Variants in SREK1IP1 observed in about 807,000 individuals in gnomAD.
SREK1IP1 encodes protein SREK1IP1.
Under a neutral mutation model 22.8 loss-of-function variants are expected in SREK1IP1, and 12 were observed. The observed-to-expected ratio is 0.53, with a 90% CI of 0.34 to 0.85. SREK1IP1 has a LOEUF of 0.85. Among genes scored for constraint, SREK1IP1 ranks in the 40% least tolerant of loss-of-function variants. SREK1IP1 has a pLI of 0.02. For missense variants in SREK1IP1, 147 were observed against 171.8 expected (o/e 0.86, Z 0.81); for synonymous variants, 53 against 52.7 (o/e 1.01, Z -0.02).
chr5:64,754,681 C>T (rs1006059400), intron 1 of SREK1IP1: 1 of 220,248 alleles, frequency 4.5e-6, no homozygotes, highest in Non-Finnish European at 9.3e-6. Flanking sequence ...CCCAGGCGAT[C>T]TCAAACTTCT....
rs550765079 is a variant in SREK1IP1, at chr5:64,740,412, C to A, written c.205+645G>T. ...GGGCATAGCTCCCTGGAAAATGTAA[C>A]TATCCAAGCATAAAATGAGTATGTT... is the stretch of plus-strand genomic sequence containing the variant. On this transcript the variant is annotated intron_variant, in intron 3 of 4. Coordinates refer to ENST00000513458, the MANE Select transcript of SREK1IP1 (RefSeq NM_173829.4). Among the ~76,000 whole-genome samples, 7 of 152,180 alleles carry A rather than the reference C, an allele frequency of 4.6e-5. No homozygotes were observed. In the South Asian group the frequency reaches 1.5e-3, roughly 32 times the overall value.
chr5:64,725,067 C>T (rs1742240473), intron 4 of SREK1IP1, among the ~76,000 whole-genome samples: 1 of 152,026 alleles, frequency 6.6e-6, no homozygotes, highest in East Asian at 1.9e-4. Flanking sequence ...TTTGGTAATT[C>T]TTCTGATTTT....
At chr5:64,759,401 C>A (rs1742906964) in intron 1 of SREK1IP1, among the ~76,000 whole-genome samples, 1 of 152,146 alleles carries the variant, frequency 6.6e-6, no homozygotes, top group South Asian at 2.1e-4. Context: ...GTTCTTGGCT[C>A]CATTCCTTTT....
In SREK1IP1 at chr5:64,742,723, T is replaced by C. The variant is rs78042692; in HGVS notation, c.62-1523A>G. 2.0e-5 allele frequency among the ~76,000 whole-genome samples: 3 copies of C among 152,286 alleles called. No individual in the cohort carries two copies. In the East Asian group the frequency reaches 5.8e-4, roughly 29 times the overall value. On this transcript the variant is annotated intron_variant, in intron 2 of 4. Transcript: ENST00000513458. ...AAAATAGAAGTTCAAGAGCCTAGGGTTCATCAAATATCCTCAAGGCTTAAT... is the reference window on the plus strand; with the variant it reads ...AAAATAGAAGTTCAAGAGCCTAGGGCTCATCAAATATCCTCAAGGCTTAAT...
chr5:64,726,901 T>C (rs1182909253), intron 4 of SREK1IP1, among the ~76,000 whole-genome samples: 1 of 152,234 alleles, frequency 6.6e-6, no homozygotes, highest in African/African-American at 2.4e-5. Context: ...TGAAAGATCA[T>C]ATCAAACCAC....
chr5:64,745,742 T>A (rs957880793), intron 2 of SREK1IP1, among the ~76,000 whole-genome samples: 1 of 152,184 alleles, frequency 6.6e-6, no homozygotes, highest in South Asian at 2.1e-4. Flanking sequence ...CACATCCATT[T>A]TAGCTTTGCT....
chr5:64,719,751 A>G lies in SREK1IP1; in HGVS notation c.*4633T>C, dbSNP rs1281986570. ...GGGGTCAGGCATGACTGGATGCATC[A>G]TGGGTTGTGCTATAGAAGAGGCACC... On this transcript the variant is annotated 3_prime_UTR_variant, in exon 5 of 5. Coordinates refer to ENST00000513458, the MANE Select transcript of SREK1IP1 (RefSeq NM_173829.4). 3 of 152,174 alleles carry G rather than the reference A, an allele frequency of 2.0e-5. No individual in the cohort carries two copies. Among genetic ancestry groups the G allele is most frequent in the Non-Finnish European group, 4.4e-5 (3 of 68,042 alleles). The allele number at this position is 152,174 out of a possible 1,614,324, so 9.4% of individuals were successfully genotyped here. A position where few individuals can be genotyped will look rare whatever the true frequency, so the allele number is the denominator to read the frequency against.
At position 64,724,117 on chromosome 5, in the gene SREK1IP1, A is replaced by T. The variant is rs559686648; in HGVS notation, c.*267T>A. The T allele has an allele frequency of 1.6e-4, 41 of 257,580 alleles. 1 individual carries two copies. In the South Asian group the frequency reaches 3.5e-3, roughly 22 times the overall value. 16.0% of individuals were successfully genotyped at this position (257,580 alleles called of 1,614,324 possible). On this transcript the variant is annotated 3_prime_UTR_variant, in exon 5 of 5. Transcript: ENST00000513458. ...AGTAACACTAGCCAAACACACAGAG[A>T]CACAAATACCAAAAATGATGTGTTT...
intron 4 of SREK1IP1, among the ~76,000 whole-genome samples, chr5:64,726,267 A>G (rs1201084728): frequency 6.6e-6 from 1 of 152,034 alleles, no homozygotes; most frequent in Non-Finnish European, 1.5e-5. Flanking sequence ...AGTTAATTTA[A>G]TTTCAGGTTT....
chr5:64,759,281 G>C (rs1157133572), intron 1 of SREK1IP1, among the ~76,000 whole-genome samples: 1 of 152,140 alleles, frequency 6.6e-6, no homozygotes, highest in Non-Finnish European at 1.5e-5. Context: ...TAAGAACCCT[G>C]GCTGATATAA....
At chr5:64,737,143 T>G (rs1742477835) in intron 3 of SREK1IP1, among the ~76,000 whole-genome samples, 1 of 152,164 alleles carries the variant, frequency 6.6e-6, no homozygotes, top group Admixed American at 6.5e-5. Flanking sequence ...GAATACATTC[T>G]TCTCAAGCAC....
intron 1 of SREK1IP1, among the ~76,000 whole-genome samples, chr5:64,767,164 C>T (rs1211143031): frequency 6.6e-6 from 1 of 152,114 alleles, no homozygotes; most frequent in African/African-American, 2.4e-5. Flanking sequence ...CCAGTTCCTC[C>T]GACTGCAGTC....
chr5:64,766,115 C>T (rs1743028800), intron 1 of SREK1IP1, among the ~76,000 whole-genome samples: 1 of 152,240 alleles, frequency 6.6e-6, no homozygotes, highest in Non-Finnish European at 1.5e-5. Context: ...GCTCCACTCC[C>T]ATAGCCTTAC....
chr5:64,731,272 G>C (rs1742372897), intron 3 of SREK1IP1, among the ~76,000 whole-genome samples: 2 of 152,014 alleles, frequency 1.3e-5, no homozygotes, highest in Admixed American at 1.3e-4. Context: ...TAAGACAATT[G>C]AGAGTTTGAG....
chr5:64,767,739 A>G (rs1334493599), intron 1 of SREK1IP1, among the ~76,000 whole-genome samples: 1 of 152,114 alleles, frequency 6.6e-6, no homozygotes, highest in Non-Finnish European at 1.5e-5. Context: ...GGAATTTCCA[A>G]GTTGGGAGGT....
intron 3 of SREK1IP1, among the ~76,000 whole-genome samples, chr5:64,730,346 T>A (rs920819947): frequency 6.6e-6 from 1 of 152,106 alleles, no homozygotes; most frequent in Non-Finnish European, 1.5e-5. Context: ...TAAATAACTT[T>A]GATGAGAAGT....
At chr5:64,740,922 T>C in intron 3 of SREK1IP1, 135 bp downstream of exon 3, 3 of 784,388 alleles carry the variant, frequency 3.8e-6, no homozygotes, top group Non-Finnish European at 5.9e-6. Context: ...ACTTACAATA[T>C]TTAAAACCTA....
At position 64,721,559 on chromosome 5, in the gene SREK1IP1, A is replaced by C. The variant is rs551430472; in HGVS notation, c.*2825T>G. On this transcript the variant is annotated 3_prime_UTR_variant, in exon 5 of 5. Transcript: ENST00000513458. Reference sequence around the variant, plus strand: ...ATAGGGATACCTCTGAGAAATATCAACCAACATATGATATGCAAAAAAAAA... The same window carrying C: ...ATAGGGATACCTCTGAGAAATATCACCCAACATATGATATGCAAAAAAAAA... 1 of 151,722 alleles carries C rather than the reference A, an allele frequency of 6.6e-6. No individual in the cohort carries two copies. Among genetic ancestry groups the C allele is most frequent in the South Asian group, 2.1e-4 (1 of 4,804 alleles). 9.4% of individuals were successfully genotyped at this position (151,722 alleles called of 1,614,324 possible).
At chr5:64,727,019 A>C (rs1742279761) in intron 4 of SREK1IP1, among the ~76,000 whole-genome samples, 1 of 152,244 alleles carries the variant, frequency 6.6e-6, no homozygotes, top group Non-Finnish European at 1.5e-5. Flanking sequence ...ATACATTAAC[A>C]GAAAACCCTG....
Sources: allele counts gnomAD v4.1 joint callset (sites outside exome capture counted in the v4.1 genomes callset), GRCh38; gene constraint gnomAD v4.1.1; transcripts MANE v1.5; gene names NCBI Gene and HGNC (gene_info 2026-07-23, HGNC 2026-07-21).